KIF13B: variants seen among roughly 807,000 people sequenced by gnomAD.
The protein encoded by KIF13B is kinesin family member 13B, also known as kinesin-like protein KIF13B.
In KIF13B, 127 loss-of-function variants were observed where a neutral mutation model predicts 222.0. The ratio of observed to expected loss-of-function variants is 0.57; its 90% CI spans 0.50 to 0.66. KIF13B has a LOEUF of 0.66. KIF13B is among the 30% of genes least tolerant of loss of function. The pLI is 0.00. For missense variants in KIF13B, 2,173 were observed against 2,379.0 expected, an observed-to-expected ratio of 0.91 and a Z score of 1.80; for synonymous variants, 976 against 919.0, an observed-to-expected ratio of 1.06 and a Z score of -1.12.
At chr8:29,244,037 G>A (rs1000509931) in intron 2 of KIF13B, among the ~76,000 whole-genome samples, 2 of 151,436 alleles carry the variant, frequency 1.3e-5, no homozygotes, top group African/African-American at 4.9e-5. Flanking sequence ...TTTTTGAGAC[G>A]GAGTCTCGCT....
chr8:29,222,971 A>G (rs1814826045), intron 2 of KIF13B, among the ~76,000 whole-genome samples: 1 of 152,112 alleles, frequency 6.6e-6, no homozygotes, highest in Non-Finnish European at 1.5e-5. Flanking sequence ...ACAATTTGAC[A>G]TATAATCTAG....
Position 29,124,012 on chromosome 8 carries a change from TG to T in KIF13B, c.3352+11del, listed in dbSNP as rs772689654. 4.0e-5 allele frequency: 62 copies of T among 1,535,302 alleles called. No individual in the cohort carries two copies. In the African/African-American group the frequency reaches 6.3e-4, roughly 16 times the overall value. On this transcript the variant is annotated intron_variant, in intron 27 of 39. Coordinates refer to ENST00000524189, the MANE Select transcript of KIF13B (RefSeq NM_015254.4). Reference sequence around the variant, plus strand: ...TTGCAGGGGAGAAAAATATTCTATTTGTTTTTCCTACCACGTTTACTGACAA... The same window carrying T: ...TTGCAGGGGAGAAAAATATTCTATTTTTTTTCCTACCACGTTTACTGACAA...
At chr8:29,077,017 G>C (rs917469096) in intron 37 of KIF13B, among the ~76,000 whole-genome samples, 5 of 152,170 alleles carry the variant, frequency 3.3e-5, no homozygotes, top group African/African-American at 4.8e-5. Context: ...CCAAGGAAAT[G>C]AACAAAAGGA....
At chr8:29,073,193 C>T (rs190575702) in intron 38 of KIF13B, among the ~76,000 whole-genome samples, 30 of 150,742 alleles carry the variant, frequency 2.0e-4, no homozygotes, top group Non-Finnish European at 3.8e-4. Flanking sequence ...CCCTGTGGGC[C>T]GTGGCCCTTT....
At chr8:29,220,440 A>G (rs1186321682) in intron 2 of KIF13B, among the ~76,000 whole-genome samples, 1 of 152,158 alleles carries the variant, frequency 6.6e-6, no homozygotes, top group African/African-American at 2.4e-5. Flanking sequence ...GCTTATATAA[A>G]ATAACTGTTG....
Position 29,177,469 on chromosome 8 carries a change from T to G in KIF13B, c.830A>C (p.Asn277Thr). 6.3e-7 allele frequency: 1 copy of G among 1,593,996 alleles called. No homozygotes were observed. The highest frequency in any genetic ancestry group is 1.3e-5 in the African/African-American group (1 of 74,674). ...GDRLKEGSNINKSLTTLGLVI... is the reference protein window; with the variant it reads ...GDRLKEGSNITKSLTTLGLVI... ...AATAAGCTTTGAGAGCACTTACTTG[T>G]TAATGTTGCTCCCTTCCTTCAGCCT... is the stretch of plus-strand genomic sequence containing the variant. The change falls in exon 9 of 40, where the codon AAC (asparagine) becomes ACC (threonine). Residue 277 changes from asparagine (N) to threonine (T), a missense_variant. Around this residue, in one of 2 missense-constraint regions of KIF13B, gnomAD observed 1,480 missense variants for 1,722.8 expected, o/e 0.86. Transcript: ENST00000524189.
chr8:29,263,169 C>T (rs1289514703), upstream of KIF13B: 2 of 723,048 alleles, frequency 2.8e-6, no homozygotes, highest in African/African-American at 1.9e-5. Flanking sequence ...CCGGCGCGAG[C>T]TCCGGGCGCT....
intron 37 of KIF13B, among the ~76,000 whole-genome samples, chr8:29,091,757 CAT>C (rs889795468): frequency 6.6e-6 from 1 of 152,182 alleles, no homozygotes; most frequent in Admixed American, 6.5e-5. Flanking sequence ...CTCCTGCAGT[CAT>C]AGATTCATTT....
chr8:29,219,637 C>A (rs1175104079), intron 2 of KIF13B, among the ~76,000 whole-genome samples: 1 of 151,760 alleles, frequency 6.6e-6, no homozygotes, highest in African/African-American at 2.4e-5. Context: ...CCTATAGTCC[C>A]AGCAACTCGG....
chr8:29,188,292 T>A (rs9650432), intron 5 of KIF13B, among the ~76,000 whole-genome samples: 91,266 of 152,058 alleles, frequency 0.6, 30,009 homozygotes, highest in Non-Finnish European at 0.75. Flanking sequence ...AAAACAATGC[T>A]GCCAGTGCCT....
At chr8:29,115,893 G>C (rs1809572124) in intron 31 of KIF13B, among the ~76,000 whole-genome samples, 1 of 152,036 alleles carries the variant, frequency 6.6e-6, no homozygotes, top group Non-Finnish European at 1.5e-5. Context: ...TTCAAACGCT[G>C]CCCTCCTCTC....
chr8:29,160,775 A>G lies in KIF13B; in HGVS notation c.1362T>C (p.Asn454=). The change falls in exon 13 of 40, where the codon AAT becomes AAC. Residue 454 remains asparagine (N), a synonymous_variant. Coordinates refer to ENST00000524189, the MANE Select transcript of KIF13B (RefSeq NM_015254.4). ...GDDKCFLVNL[N]ADPALNELLV... The stretch of plus-strand genomic sequence containing the variant: ...GAAGCTCATTCAGAGCTGGGTCAGC[A>G]TTCAGATTCACAAGGAAGCATTTAT... The G allele has an allele frequency of 6.2e-7, 1 of 1,613,730 alleles. No individual in the cohort carries two copies. The highest frequency in any genetic ancestry group is 8.5e-7 in the Non-Finnish European group (1 of 1,179,738).
chr8:29,168,582 G>A (rs1812106391), intron 10 of KIF13B, among the ~76,000 whole-genome samples: 1 of 152,174 alleles, frequency 6.6e-6, no homozygotes, highest in African/African-American at 2.4e-5. Flanking sequence ...TTCACTCTGG[G>A]GGAAACGGGC....
chr8:29,144,067 G>A (rs899894061), intron 18 of KIF13B, among the ~76,000 whole-genome samples: 5 of 149,276 alleles, frequency 3.3e-5, no homozygotes, highest in African/African-American at 4.9e-5. Context: ...ACATTTCCCC[G>A]AGGGAGACAT....
chr8:29,105,012 G>A (rs180818053), intron 35 of KIF13B, among the ~76,000 whole-genome samples: 38 of 152,010 alleles, frequency 2.5e-4, no homozygotes, highest in African/African-American at 8.7e-4. Context: ...TGTCACCCAG[G>A]CTGGAGTGCA....
intron 2 of KIF13B, among the ~76,000 whole-genome samples, chr8:29,234,165 G>A (rs1259528325): frequency 1.3e-5 from 2 of 152,064 alleles, no homozygotes; most frequent in African/African-American, 4.8e-5. Context: ...CCACTCCTGG[G>A]TCTATACCCA....
chr8:29,147,439 G>A lies in KIF13B; in HGVS notation c.1977C>T (p.Phe659=), dbSNP rs759160037. 1 of 1,611,832 alleles carries A rather than the reference G, an allele frequency of 6.2e-7. No individual in the cohort carries two copies. The highest frequency in any genetic ancestry group is 2.2e-5 in the East Asian group (1 of 44,822). The change falls in exon 17 of 40, where the codon TTC becomes TTT. Residue 659 remains phenylalanine (F), a synonymous_variant. Coordinates refer to ENST00000524189, the MANE Select transcript of KIF13B (RefSeq NM_015254.4). The part of the protein sequence containing the change: ...QNCRSMDRFS[F]HSPSAQQRLR... The stretch of plus-strand genomic sequence containing the variant: ...AGCGTTGCTGAGCGCTGGGCGAGTG[G>A]AAAGAAAACCTGTCCATGCTCCGGC...
At chr8:29,180,373 T>A (rs1038259477) in intron 7 of KIF13B, 135 bp from the exon 8 acceptor site, 1 of 899,980 alleles carries the variant, frequency 1.1e-6, no homozygotes, top group Non-Finnish European at 1.8e-6. Context: ...TGTTTCTCAA[T>A]GAATATTGAG....
intron 10 of KIF13B, among the ~76,000 whole-genome samples, chr8:29,175,051 A>C (rs1294724768): frequency 6.6e-6 from 1 of 152,226 alleles, no homozygotes; most frequent in Non-Finnish European, 1.5e-5. Flanking sequence ...GGTGTTCAAC[A>C]AATTCTTGAT....
Sources: allele counts gnomAD v4.1 joint callset (sites outside exome capture counted in the v4.1 genomes callset), GRCh38; gene constraint gnomAD v4.1.1; regional missense constraint gnomAD v4.1.1; transcripts MANE v1.5; gene names NCBI Gene and HGNC (gene_info 2026-07-23, HGNC 2026-07-21).